DPH5: variants seen among roughly 807,000 people sequenced by gnomAD.
The protein encoded by DPH5 is diphthine methyl ester synthase.
In DPH5, 31 loss-of-function variants were observed where a neutral mutation model predicts 31.6. That is an observed-to-expected ratio of 0.98 (90% CI 0.74 to 1.32). The LOEUF (loss-of-function observed/expected upper bound fraction) is 1.32, where lower values mean the gene tolerates loss of function less well. DPH5 is among the 40% of genes most tolerant of loss of function. DPH5 has a pLI of 0.00. For missense variants in DPH5, 309 were observed against 335.7 expected (o/e 0.92, Z 0.62); for synonymous variants, 120 against 115.0 (o/e 1.04, Z -0.28).
intron 4 of DPH5, among the ~76,000 whole-genome samples, chr1:101,003,030 T>G (rs561464271): frequency 1.3e-5 from 2 of 152,200 alleles, no homozygotes; most frequent in African/African-American, 4.8e-5. Flanking sequence ...AGCCTACATC[T>G]TACCTACCAA....
chr1:101,010,523 T>C (rs1353743601), intron 4 of DPH5, among the ~76,000 whole-genome samples: 1 of 152,128 alleles, frequency 6.6e-6, no homozygotes, highest in Non-Finnish European at 1.5e-5. Flanking sequence ...CTTTAGAAAA[T>C]AACAAAAACA....
chr1:101,014,371 T>C (rs1659916379), intron 3 of DPH5, among the ~76,000 whole-genome samples: 1 of 152,204 alleles, frequency 6.6e-6, no homozygotes, highest in Admixed American at 6.5e-5. Flanking sequence ...CCACATTAAT[T>C]TTTTTGGTTT....
chr1:101,011,082 C>T (rs1489463031), intron 4 of DPH5, among the ~76,000 whole-genome samples: 1 of 152,146 alleles, frequency 6.6e-6, no homozygotes, highest in Non-Finnish European at 1.5e-5. Context: ...ATTTTTTCTT[C>T]CATAAGCGCT....
chr1:101,006,125 A>C (rs1659215333), intron 4 of DPH5, among the ~76,000 whole-genome samples: 1 of 152,246 alleles, frequency 6.6e-6, no homozygotes, highest in African/African-American at 2.4e-5. Context: ...TGATTCAATT[A>C]AACTCCACAG....
Position 100,994,823 on chromosome 1 carries a change from G to A in DPH5, c.530+287C>T, listed in dbSNP as rs372477322. 5.3e-5 allele frequency among the ~76,000 whole-genome samples: 8 copies of A among 152,152 alleles called. No homozygotes were observed. The South Asian group carries it at 8.3e-4, about 16-fold the overall frequency. On this transcript the variant is annotated intron_variant, in intron 6 of 7. Transcript: ENST00000370109. ...ACTACAGGCATGAACAACCGCACCC[G>A]GCCTCACACCCATGTTTTCAGAATC... is the stretch of plus-strand genomic sequence containing the variant.
chr1:100,990,752 GCCACTTATGGA>G, intron 7 of DPH5, 121 bp from the exon 8 acceptor site: 1 of 877,742 alleles, frequency 1.1e-6, no homozygotes, highest in Non-Finnish European at 1.7e-6. Context: ...AATCTCTTTT[GCCACTTATGGA>G]CCAGTTATCC....
intron 3 of DPH5, among the ~76,000 whole-genome samples, chr1:101,017,570 C>T (rs1324735168): frequency 1.3e-5 from 2 of 152,178 alleles, no homozygotes; most frequent in Non-Finnish European, 1.5e-5. Context: ...CTTTTTCCCT[C>T]CTGATAAAAA....
chr1:101,013,783 G>A lies in DPH5; in HGVS notation c.296C>T (p.Thr99Ile), dbSNP rs1659867167. ...TTHSDLVLRATKLGIPYRVIH... is the reference protein window; with the variant it reads ...TTHSDLVLRAIKLGIPYRVIH... ...AACTCTATAAGGAATTCCCAGCTTT[G>A]TTGCTCTTAGAACAAGATCACTGTG... is the stretch of plus-strand genomic sequence containing the variant. The change falls in exon 4 of 8, where the codon ACA becomes ATA. Residue 99 changes from threonine (T) to isoleucine (I), a missense_variant. Physicochemically the swap from Thr to Ile is moderately conservative, Grantham distance 89 (BLOSUM62 -1). Coordinates refer to ENST00000370109, the MANE Select transcript of DPH5 (RefSeq NM_015958.3). 2.5e-6 allele frequency: 4 copies of A among 1,613,078 alleles called. No homozygotes were observed. The African/African-American group carries it at 5.3e-5, about 22-fold the overall frequency.
At chr1:100,992,926 T>C (rs1325596077) in intron 6 of DPH5, among the ~76,000 whole-genome samples, 186 bp from the exon 7 acceptor site, 3 of 152,348 alleles carry the variant, frequency 2.0e-5, no homozygotes, top group East Asian at 1.9e-4. Context: ...AGCTTTTTCA[T>C]TGTTCTAATT....
chr1:100,996,011 A>T (rs1428920536), intron 5 of DPH5: 1 of 152,252 alleles, frequency 6.6e-6, no homozygotes, highest in Non-Finnish European at 1.5e-5. Flanking sequence ...TATAAAGGAT[A>T]TCAAAGAGTT....
chr1:101,005,827 A>G (rs1443579511), intron 4 of DPH5, among the ~76,000 whole-genome samples: 1 of 152,160 alleles, frequency 6.6e-6, no homozygotes, highest in East Asian at 1.9e-4. Flanking sequence ...AAACATATAT[A>G]ACATGGCTTG....
At chr1:101,022,435 C>T (rs1660524064) in intron 2 of DPH5, among the ~76,000 whole-genome samples, 1 of 152,232 alleles carries the variant, frequency 6.6e-6, no homozygotes, top group Admixed American at 6.5e-5. Context: ...TGCAGCTCAA[C>T]TCTAGAGAAC....
intron 5 of DPH5, chr1:100,995,548 TAA>T (rs1658271048): frequency 6.4e-6 from 1 of 155,964 alleles, no homozygotes. Context: ...TTTCCACATT[TAA>T]AAAAGTCTTT....
In DPH5 at chr1:100,990,561, G is replaced by A. The variant is rs766567635; in HGVS notation, c.705C>T (p.Gly235=). 1 of 1,614,096 alleles carries A rather than the reference G, an allele frequency of 6.2e-7. No individual in the cohort carries two copies. The highest frequency in any genetic ancestry group is 1.1e-5 in the South Asian group (1 of 91,080). The stretch of plus-strand genomic sequence containing the variant: ...CCACAGTGCACATTTGCCTTAAAGT[G>A]CCTGCTGCAATTTTCTGGTCGTCGG... The part of the protein sequence containing the change: ...VGADDQKIAA[G]TLRQMCTVDL... Residue 235 remains glycine, a synonymous_variant, in exon 8 of 8, where the codon GGC becomes GGT. Coordinates refer to ENST00000370109, the MANE Select transcript of DPH5 (RefSeq NM_015958.3).
At position 101,022,088 on chromosome 1, in the gene DPH5, G is replaced by A. The variant is rs112199484; in HGVS notation, c.136-323C>T. 5.6e-4 allele frequency among the ~76,000 whole-genome samples: 85 copies of A among 152,146 alleles called. 1 individual carries two copies. Among genetic ancestry groups the A allele is most frequent in the African/African-American group, 1.9e-3 (79 of 41,500 alleles). On this transcript the variant is annotated intron_variant, in intron 2 of 7. Coordinates refer to ENST00000370109, the MANE Select transcript of DPH5 (RefSeq NM_015958.3). Reference sequence around the variant, plus strand: ...AAATAGAACACTGTAGGATGAATGCGGAATATGTACACATGAGCCCTACTT... The same window carrying A: ...AAATAGAACACTGTAGGATGAATGCAGAATATGTACACATGAGCCCTACTT...
At chr1:100,998,138 A>G (rs564268549) in intron 5 of DPH5, among the ~76,000 whole-genome samples, 1 of 152,358 alleles carries the variant, frequency 6.6e-6, no homozygotes, top group East Asian at 1.9e-4. Flanking sequence ...CTGATTGCAA[A>G]TATTGGCATA....
intron 1 of DPH5, 26 bp downstream of exon 1, chr1:101,025,657 A>T (rs1660774766): frequency 3.4e-6 from 2 of 582,326 alleles, no homozygotes; most frequent in Non-Finnish European, 6.0e-6. Context: ...GCCTCTTGTT[A>T]CACAAACCTA....
At chr1:100,995,494 T>C (rs1658263422) in intron 5 of DPH5, 1 of 172,942 alleles carries the variant, frequency 5.8e-6, no homozygotes, top group Non-Finnish European at 1.2e-5. Flanking sequence ...CACAGACCCA[T>C]CTGAAAGCCC....
At chr1:100,992,787 A>G (rs561194799) in intron 6 of DPH5, 47 bp from the exon 7 acceptor site, 2 of 1,285,654 alleles carry the variant, frequency 1.6e-6, no homozygotes, top group East Asian at 4.7e-5. Context: ...ATGAAACTAC[A>G]TAATATGTTA....
Sources: gnomAD v4.1 joint callset for allele counts (sites outside exome capture counted in the v4.1 genomes callset) on GRCh38, gnomAD v4.1.1 for gene constraint, MANE v1.5 for transcripts, NCBI Gene and HGNC (gene_info 2026-07-23, HGNC 2026-07-21) for gene names.